The following SCYL2 variants were observed in gnomAD, a reference collection of about 807,000 sequenced individuals.
The protein encoded by SCYL2 is SCY1-like protein 2.
In SCYL2, 36 loss-of-function variants were observed where a neutral mutation model predicts 100.4. The ratio of observed to expected loss-of-function variants is 0.36; its 90% CI spans 0.27 to 0.47. The LOEUF (loss-of-function observed/expected upper bound fraction) is 0.47. SCYL2 is among the 20% of genes least tolerant of loss of function. The pLI, the probability that SCYL2 is intolerant of heterozygous loss-of-function variation, is 1.00. For synonymous variants in SCYL2, 330 were observed against 359.2 expected (o/e 0.92, Z 0.92); for missense variants, 902 against 1,083.9 (o/e 0.83, Z 2.36).
chr12:100,291,852 T>C (rs2096311110), intron 3 of SCYL2, 192 bp downstream of exon 3: 1 of 528,292 alleles, frequency 1.9e-6, no homozygotes, highest in African/African-American at 2.0e-5. Context: ...GAAATATTAA[T>C]ACTTTCTTTA....
At position 100,297,350 on chromosome 12, in the gene SCYL2, GGTATCTGT is replaced by G. The variant is rs551208404; in HGVS notation, c.336-680_336-673del. 1.6e-4 allele frequency among the ~76,000 whole-genome samples: 25 copies of G among 152,278 alleles called. 1 individual carries two copies. The East Asian group carries it at 3.5e-3, about 21-fold the overall frequency. On this transcript the variant is annotated intron_variant, in intron 3 of 17. Coordinates refer to ENST00000360820, the MANE Select transcript of SCYL2 (RefSeq NM_017988.6). Reference sequence around the variant, plus strand: ...ATAGGGATGCTGGGACTTAAAGTCAGGTATCTGTCCTCAAAGCCTGAGCTCTTGATCAT... The same window carrying G: ...ATAGGGATGCTGGGACTTAAAGTCAGCCTCAAAGCCTGAGCTCTTGATCAT...
rs1378217028 is a variant in SCYL2, at chr12:100,270,476, CTTG to C, written c.-29+2689_-29+2691del. Among the ~76,000 whole-genome samples, 12 of 152,170 alleles carry C rather than the reference CTTG, an allele frequency of 7.9e-5. 1 individual carries two copies. The South Asian group carries it at 2.3e-3, about 29-fold the overall frequency. ...ATAATTTCAAGAATCTGATTAACTTCTTGTTGTAAAAACTATAGTTCACTAAAT... is the reference window on the plus strand; with the variant it reads ...ATAATTTCAAGAATCTGATTAACTTCTTGTAAAAACTATAGTTCACTAAAT... On this transcript the variant is annotated intron_variant, in intron 1 of 17. Transcript: ENST00000360820.
intron 11 of SCYL2, among the ~76,000 whole-genome samples, 156 bp from the exon 12 acceptor site, chr12:100,326,466 G>A (rs1008058928): frequency 1.3e-5 from 2 of 152,124 alleles, no homozygotes; most frequent in Admixed American, 1.3e-4. Flanking sequence ...TAGTAAATAA[G>A]TGAATTTCCT....
In SCYL2 at chr12:100,317,914, A is replaced by G; in HGVS notation, c.1384A>G (p.Ile462Val). Residue 462 changes from isoleucine to valine, a missense_variant, in exon 10 of 18, where the codon ATT (isoleucine) becomes GTT (valine). Coordinates refer to ENST00000360820, the MANE Select transcript of SCYL2 (RefSeq NM_017988.6). ...MVYRALEAPSIQIQELCLNII... is the reference protein window; with the variant it reads ...MVYRALEAPSVQIQELCLNII... Reference sequence around the variant, plus strand: ...TTACAGAGCACTAGAAGCTCCTTCCATTCAGATCCAGGTACAGTATCTGAT... The same window carrying G: ...TTACAGAGCACTAGAAGCTCCTTCCGTTCAGATCCAGGTACAGTATCTGAT... 1 of 1,575,846 alleles carries G rather than the reference A, an allele frequency of 6.3e-7. No individual in the cohort carries two copies. The highest frequency in any genetic ancestry group is 8.6e-7 in the Non-Finnish European group (1 of 1,169,270).
intron 4 of SCYL2, among the ~76,000 whole-genome samples, chr12:100,299,235 A>G (rs1566354609): frequency 6.6e-6 from 1 of 152,128 alleles, no homozygotes; most frequent in Non-Finnish European, 1.5e-5. Flanking sequence ...AGCCTGTCTT[A>G]AAAAAACAAC....
chr12:100,268,729 T>G (rs1202700100), intron 1 of SCYL2, among the ~76,000 whole-genome samples: 2 of 152,210 alleles, frequency 1.3e-5, no homozygotes, highest in African/African-American at 4.8e-5. Flanking sequence ...ACTACTCATA[T>G]TCACATGTTT....
In SCYL2 at chr12:100,315,666, A is replaced by C. The variant is rs1274358626; in HGVS notation, c.1204A>C (p.Lys402Gln). The C allele has an allele frequency of 6.2e-7, 1 of 1,612,318 alleles. No individual in the cohort carries two copies. The change falls in exon 9 of 18, where the codon AAA (lysine) becomes CAA (glutamine). Residue 402 changes from lysine to glutamine, a missense_variant. By Grantham distance (53) the Lys-to-Gln change is moderately conservative. Transcript: ENST00000360820. ...TCTACTTATTGCTGAGGAATGCACC[A>C]AAGAAGAATATGTCAAATTAATTCT... ...NVLLIAEECTKEEYVKLILPE... is the reference protein window; with the variant it reads ...NVLLIAEECTQEEYVKLILPE...
At chr12:100,321,012 T>C (rs552548934) in intron 10 of SCYL2, among the ~76,000 whole-genome samples, 1 of 152,306 alleles carries the variant, frequency 6.6e-6, no homozygotes, top group East Asian at 1.9e-4. Context: ...CACTGTGGCC[T>C]TGACCTCCCA....
intron 4 of SCYL2, among the ~76,000 whole-genome samples, chr12:100,307,838 C>G (rs1339379941): frequency 6.6e-6 from 1 of 152,184 alleles, no homozygotes; most frequent in Non-Finnish European, 1.5e-5. Context: ...AGCATATGAA[C>G]AGACACTTCT....
At chr12:100,292,704 G>T (rs1206825399) in intron 3 of SCYL2, among the ~76,000 whole-genome samples, 1 of 152,174 alleles carries the variant, frequency 6.6e-6, no homozygotes, top group Non-Finnish European at 1.5e-5. Context: ...GAGGATCAAA[G>T]AAACTGTATG....
At chr12:100,318,125 G>A (rs1174957271) in intron 10 of SCYL2, among the ~76,000 whole-genome samples, 200 bp downstream of exon 10, 4 of 152,052 alleles carry the variant, frequency 2.6e-5, no homozygotes, top group African/African-American at 7.2e-5. Context: ...TGTATTGTAA[G>A]TGAAAAAAGT....
At position 100,267,441 on chromosome 12, in the gene SCYL2, GCT is replaced by G. The variant is rs1213972201; in HGVS notation, c.-374_-373del. 3 of 177,882 alleles carry G rather than the reference GCT, an allele frequency of 1.7e-5. No homozygotes were observed. The highest frequency in any genetic ancestry group is 3.6e-5 in the Non-Finnish European group (3 of 83,530). 11.0% of individuals were successfully genotyped at this position (177,882 alleles called of 1,614,324 possible). ...CACCGACCGACCTCCCTCACCGGCG[GCT>G]CTCTCGCCTGGGCTCCCGGAGCCGG... On this transcript the variant is annotated 5_prime_UTR_variant, in exon 1 of 18. Coordinates refer to ENST00000360820, the MANE Select transcript of SCYL2 (RefSeq NM_017988.6).
chr12:100,332,797 G>A (rs944628742), intron 13 of SCYL2, among the ~76,000 whole-genome samples: 4 of 150,388 alleles, frequency 2.7e-5, no homozygotes, highest in Admixed American at 1.3e-4. Context: ...TCACTGCAGC[G>A]TTGACCTCCT....
chr12:100,337,763 C>A (rs989631601), intron 17 of SCYL2, among the ~76,000 whole-genome samples: 2 of 152,140 alleles, frequency 1.3e-5, no homozygotes, highest in Admixed American at 1.3e-4. Context: ...GAGATTAGGA[C>A]TCATAGTACT....
intron 8 of SCYL2, among the ~76,000 whole-genome samples, chr12:100,314,935 A>G (rs188609196): frequency 6.6e-6 from 1 of 152,350 alleles, no homozygotes; most frequent in Admixed American, 6.5e-5. Flanking sequence ...TGTTGATGTT[A>G]GCCTTTCCAA....
chr12:100,287,039 C>G (rs932246630), intron 2 of SCYL2, among the ~76,000 whole-genome samples: 1 of 152,038 alleles, frequency 6.6e-6, no homozygotes, highest in African/African-American at 2.4e-5. Flanking sequence ...GTGTGTGATG[C>G]TTGACAGTCA....
Position 100,267,397 on chromosome 12 carries a change from G to A in SCYL2, c.-424G>A, listed in dbSNP as rs563638555. On this transcript the variant is annotated 5_prime_UTR_variant, in exon 1 of 18. Transcript: ENST00000360820. The stretch of plus-strand genomic sequence containing the variant: ...CCGCCCCTCCTGGAAGAAGGAAGAG[G>A]TAAGTGACCGGCCGCCGGCACCGAC... The A allele has an allele frequency of 4.1e-4, 97 of 233,800 alleles. No individual in the cohort carries two copies. Among genetic ancestry groups the A allele is most frequent in the Non-Finnish European group, 6.6e-4 (78 of 118,610 alleles). 14.5% of individuals were successfully genotyped at this position (233,800 alleles called of 1,614,324 possible).
chr12:100,275,200 CT>C (rs559269449), intron 1 of SCYL2, among the ~76,000 whole-genome samples: 8 of 148,412 alleles, frequency 5.4e-5, no homozygotes, highest in African/African-American at 7.4e-5. Context: ...AATGCAATTT[CT>C]TTTTTTTTTC....
At position 100,329,190 on chromosome 12, in the gene SCYL2, T is replaced by C. The variant is rs200336988; in HGVS notation, c.1643-11T>C. Reference sequence around the variant, plus strand: ...TTAACTTATAAAATTTGTCACATTCTTTTCTATCAGGTATTTACAAATGTA... The same window carrying C: ...TTAACTTATAAAATTTGTCACATTCCTTTCTATCAGGTATTTACAAATGTA... On this transcript the variant is annotated splice_polypyrimidine_tract_variant and intron_variant, in intron 12 of 17. Coordinates refer to ENST00000360820, the MANE Select transcript of SCYL2 (RefSeq NM_017988.6). The C allele has an allele frequency of 4.1e-5, 53 of 1,296,988 alleles. No individual in the cohort carries two copies. Among genetic ancestry groups the C allele is most frequent in the Non-Finnish European group, 5.7e-5 (51 of 892,306 alleles). 80.3% of individuals were successfully genotyped at this position (1,296,988 alleles called of 1,614,324 possible). A position where few individuals can be genotyped will look rare whatever the true frequency, so the allele number is the denominator to read the frequency against.
Sources: allele counts gnomAD v4.1 joint callset (sites outside exome capture counted in the v4.1 genomes callset), GRCh38; gene constraint gnomAD v4.1.1; transcripts MANE v1.5; gene names NCBI Gene and HGNC (gene_info 2026-07-23, HGNC 2026-07-21).